Variants in CHST11 observed in about 807,000 individuals in gnomAD.
The protein encoded by CHST11 is C4S-1.
In CHST11, 9 loss-of-function variants were observed where a neutral mutation model predicts 30.4. That is an observed-to-expected ratio of 0.30 (90% CI 0.18 to 0.52). The LOEUF (loss-of-function observed/expected upper bound fraction) is 0.52, where lower values mean the gene tolerates loss of function less well. Among genes scored for constraint, CHST11 ranks in the 20% least tolerant of loss-of-function variants. The pLI, the probability that CHST11 is intolerant of heterozygous loss-of-function variation, is 0.97. For missense variants in CHST11, 348 were observed against 460.6 expected, an observed-to-expected ratio of 0.76 and a Z score of 2.24; for synonymous variants, 152 against 187.8, an observed-to-expected ratio of 0.81 and a Z score of 1.56.
intron 1 of CHST11, among the ~76,000 whole-genome samples, chr12:104,534,885 C>G (rs17812021): frequency 0.05 from 7,568 of 152,274 alleles, 281 homozygotes; most frequent in Non-Finnish European, 0.075. Flanking sequence ...ATTATTCTTT[C>G]TTCGCAGAAG....
At chr12:104,551,807 C>T (rs138579699) in intron 1 of CHST11, among the ~76,000 whole-genome samples, 2 of 152,022 alleles carry the variant, frequency 1.3e-5, no homozygotes, top group East Asian at 3.9e-4. Context: ...CGAGGTTGGG[C>T]GACGTAGGTG....
At position 104,743,833 on chromosome 12, in the gene CHST11, T is replaced by TCCCA. The variant is rs368539514; in HGVS notation, c.205-13114_205-13111dup. 6.2e-3 allele frequency among the ~76,000 whole-genome samples: 950 copies of TCCCA among 152,280 alleles called. 11 individuals are homozygous for TCCCA. Among genetic ancestry groups the TCCCA allele is most frequent in the African/African-American group, 0.021 (882 of 41,544 alleles). ...TGTCCATGTGTTCTCATCATTTAGC[T>TCCCA]CCCACTTATAAGTGAGAACATGTGG... On this transcript the variant is annotated intron_variant, in intron 2 of 2. Coordinates refer to ENST00000303694, the MANE Select transcript of CHST11 (RefSeq NM_018413.6).
At chr12:104,561,160 C>T (rs1592763855) in intron 1 of CHST11, among the ~76,000 whole-genome samples, 1 of 151,560 alleles carries the variant, frequency 6.6e-6, no homozygotes. Flanking sequence ...GGACTGGCTG[C>T]TATTCCATGG....
chr12:104,761,789 G>A lies in CHST11; in HGVS notation c.*3986G>A, dbSNP rs2040528647. 6.6e-6 allele frequency: 1 copy of A among 152,246 alleles called. No individual in the cohort carries two copies. 9.4% of individuals were successfully genotyped at this position (152,246 alleles called of 1,614,324 possible). A position where few individuals can be genotyped will look rare whatever the true frequency, so the allele number is the denominator to read the frequency against. On this transcript the variant is annotated 3_prime_UTR_variant, in exon 3 of 3. Coordinates refer to ENST00000303694, the MANE Select transcript of CHST11 (RefSeq NM_018413.6). ...CATGCTCAGTATGGCATATGGACAT[G>A]TAATGTCACATCTTTGTGGAGTGTG...
At chr12:104,631,268 AC>A (rs2039267242) in intron 2 of CHST11, among the ~76,000 whole-genome samples, 1 of 152,112 alleles carries the variant, frequency 6.6e-6, no homozygotes, top group African/African-American at 2.4e-5. Flanking sequence ...CAGTGGGGTC[AC>A]CCGGGGCAAG....
intron 1 of CHST11, among the ~76,000 whole-genome samples, chr12:104,544,297 G>A (rs1403302860): frequency 6.6e-6 from 1 of 152,162 alleles, no homozygotes; most frequent in Non-Finnish European, 1.5e-5. Context: ...AAAATAATGA[G>A]CATAGTTAAG....
At chr12:104,698,592 A>G (rs2039967739) in intron 2 of CHST11, among the ~76,000 whole-genome samples, 1 of 152,204 alleles carries the variant, frequency 6.6e-6, no homozygotes, top group East Asian at 1.9e-4. Context: ...AAGGCATTCA[A>G]TTAAAGCATA....
At chr12:104,526,014 T>G (rs2038122272) in intron 1 of CHST11, among the ~76,000 whole-genome samples, 1 of 152,088 alleles carries the variant, frequency 6.6e-6, no homozygotes, top group African/African-American at 2.4e-5. Context: ...CGAATTAGAT[T>G]TTAGGTTTTT....
chr12:104,587,491 G>C (rs1217767480), intron 1 of CHST11, among the ~76,000 whole-genome samples: 1 of 152,170 alleles, frequency 6.6e-6, no homozygotes, highest in Non-Finnish European at 1.5e-5. Context: ...TCAACCTCCT[G>C]GGCTCAAGCT....
At chr12:104,718,377 G>A (rs1398564876) in intron 2 of CHST11, among the ~76,000 whole-genome samples, 1 of 152,156 alleles carries the variant, frequency 6.6e-6, no homozygotes, top group Non-Finnish European at 1.5e-5. Flanking sequence ...TTCCATTGCA[G>A]CTGCACAACC....
chr12:104,747,260 G>A (rs915639352), intron 2 of CHST11, among the ~76,000 whole-genome samples: 5 of 152,182 alleles, frequency 3.3e-5, no homozygotes, highest in Non-Finnish European at 7.3e-5. Flanking sequence ...CACCATGCAG[G>A]GTCTCAGACC....
intron 1 of CHST11, among the ~76,000 whole-genome samples, chr12:104,509,655 C>T (rs2037943634): frequency 6.6e-6 from 1 of 152,200 alleles, no homozygotes; most frequent in African/African-American, 2.4e-5. Context: ...CCCCCGCCCC[C>T]ACAACCATGG....
chr12:104,525,857 A>G (rs2038120427), intron 1 of CHST11, among the ~76,000 whole-genome samples: 1 of 131,582 alleles, frequency 7.6e-6, no homozygotes, highest in Admixed American at 9.6e-5. Context: ...CCTTATTTGC[A>G]TCTTTGCTAT....
intron 2 of CHST11, among the ~76,000 whole-genome samples, chr12:104,610,043 C>CTGTGTGTGTGTG (rs56983056): frequency 2.1e-4 from 30 of 143,184 alleles, no homozygotes; most frequent in African/African-American, 7.0e-4. Context: ...ATGAGTGCCT[C>CTGTGTGTGTGTG]TGTGTGTGTG....
At chr12:104,459,127 T>G (rs1388192532) in intron 1 of CHST11, among the ~76,000 whole-genome samples, 3 of 152,244 alleles carry the variant, frequency 2.0e-5, no homozygotes, top group Non-Finnish European at 4.4e-5. Context: ...TAGTTTAATG[T>G]CAGCAAACTA....
At chr12:104,606,177 G>GA (rs954304969) in intron 2 of CHST11, among the ~76,000 whole-genome samples, 9 of 133,578 alleles carry the variant, frequency 6.7e-5, no homozygotes, top group Admixed American at 2.3e-4. Context: ...GCGGGGGGCG[G>GA]GGGGGGGAAT....
intron 2 of CHST11, among the ~76,000 whole-genome samples, chr12:104,744,243 T>C (rs1170933090): frequency 6.6e-6 from 1 of 152,236 alleles, no homozygotes; most frequent in African/African-American, 2.4e-5. Flanking sequence ...GTGTTCCTTT[T>C]TCTCCGCAAC....
intron 1 of CHST11, among the ~76,000 whole-genome samples, chr12:104,507,972 G>A (rs1046693537): frequency 2.0e-5 from 3 of 152,172 alleles, no homozygotes; most frequent in African/African-American, 7.2e-5. Context: ...TGGAATTGGG[G>A]TGTTTTTTGC....
intron 2 of CHST11, among the ~76,000 whole-genome samples, chr12:104,656,748 G>T (rs1331984773): frequency 1.3e-5 from 2 of 152,184 alleles, no homozygotes. Flanking sequence ...GACCACAGTG[G>T]GGGGTTGCTG....
Sources: gnomAD v4.1 joint callset for allele counts (sites outside exome capture counted in the v4.1 genomes callset) on GRCh38, gnomAD v4.1.1 for gene constraint, MANE v1.5 for transcripts, NCBI Gene and HGNC (gene_info 2026-07-23, HGNC 2026-07-21) for gene names.